The following WTIP variants were observed in gnomAD, a reference collection of about 807,000 sequenced individuals.
The protein encoded by WTIP is Wilms tumor protein 1-interacting protein.
A neutral mutation model predicts 41.7 loss-of-function variants in WTIP; 23 were observed. That is an observed-to-expected ratio of 0.55 (90% CI 0.40 to 0.78). WTIP has a LOEUF of 0.78. Ranked by LOEUF, WTIP falls within the 30% of genes least tolerant of loss-of-function variation. The pLI is 0.00. For synonymous variants in WTIP, 314 were observed against 269.9 expected (o/e 1.16, Z -1.60); for missense variants, 619 against 610.5 (o/e 1.01, Z -0.15).
intron 2 of WTIP, among the ~76,000 whole-genome samples, chr19:34,491,155 C>T (rs1056897362): frequency 2.6e-5 from 4 of 151,820 alleles, no homozygotes; most frequent in Non-Finnish European, 5.9e-5. Context: ...CATAATTTTA[C>T]ACCCAACATA....
intron 5 of WTIP, among the ~76,000 whole-genome samples, chr19:34,494,019 C>T (rs2075840081): frequency 6.6e-6 from 1 of 152,198 alleles, no homozygotes; most frequent in African/African-American, 2.4e-5. Context: ...CTGTTTCCTC[C>T]TACCGTGACT....
intron 2 of WTIP, among the ~76,000 whole-genome samples, chr19:34,492,329 G>T (rs2145601199): frequency 6.7e-6 from 1 of 148,586 alleles, no homozygotes; most frequent in South Asian, 2.2e-4. Context: ...TGCCCAGGCT[G>T]GTCTTGAACT....
At chr19:34,497,791 C>A (rs990525884) in intron 7 of WTIP, among the ~76,000 whole-genome samples, 2 of 152,158 alleles carry the variant, frequency 1.3e-5, no homozygotes, top group Admixed American at 6.5e-5. Context: ...GGACAAGGAG[C>A]AGGGATGGTC....
chr19:34,502,412 C>G lies in WTIP; in HGVS notation c.*2143C>G, dbSNP rs1419623541. On this transcript the variant is annotated 3_prime_UTR_variant, in exon 8 of 8. Coordinates refer to ENST00000590071, the MANE Select transcript of WTIP (RefSeq NM_001080436.2). ...CTGAGACTACAGGTGTGCCCCATGA[C>G]GCCCAGCTATTTTTTTTTTTTTTTT... 1 of 147,292 alleles carries G rather than the reference C, an allele frequency of 6.8e-6. No homozygotes were observed. The highest frequency in any genetic ancestry group is 2.0e-4 in the East Asian group (1 of 5,092). The allele number at this position is 147,292 out of a possible 1,614,324, so 9.1% of individuals were successfully genotyped here.
At position 34,493,711 on chromosome 19, in the gene WTIP, C is replaced by T. The variant is rs953694113; in HGVS notation, c.1031+89C>T. 4 of 1,568,736 alleles carry T rather than the reference C, an allele frequency of 2.5e-6. No individual in the cohort carries two copies. The African/African-American group carries it at 5.4e-5, about 21-fold the overall frequency. On this transcript the variant is annotated intron_variant, in intron 5 of 7. Coordinates refer to ENST00000590071, the MANE Select transcript of WTIP (RefSeq NM_001080436.2). This position sits in a 1 kb window ranked among gnomAD's most constrained non-coding sequence, Gnocchi z 4.1. ...ATTTTTTTCCTGCTGGACTGACTGC[C>T]CTTTGTTCTTGGCCTTTTGCCTTCC...
At chr19:34,494,121 A>T (rs2075840630) in intron 5 of WTIP, among the ~76,000 whole-genome samples, 1 of 152,210 alleles carries the variant, frequency 6.6e-6, no homozygotes, top group Non-Finnish European at 1.5e-5. Flanking sequence ...GGGTGAAGCC[A>T]GGTCTCACAG....
At position 34,500,440 on chromosome 19, in the gene WTIP, C is replaced by T. The variant is rs2075879147; in HGVS notation, c.*171C>T. On this transcript the variant is annotated 3_prime_UTR_variant, in exon 8 of 8. Transcript: ENST00000590071. Reference sequence around the variant, plus strand: ...AGCTTCTATTTATTCACCGTCTGTGCCTGCTCAAGTCACTTCCCTGCGGGC... The same window carrying T: ...AGCTTCTATTTATTCACCGTCTGTGTCTGCTCAAGTCACTTCCCTGCGGGC... 18 of 972,576 alleles carry T rather than the reference C, an allele frequency of 1.9e-5. No homozygotes were observed. The East Asian group carries it at 4.7e-4, about 25-fold the overall frequency. 60.2% of individuals were successfully genotyped at this position (972,576 alleles called of 1,614,324 possible). A position where few individuals can be genotyped will look rare whatever the true frequency, so the allele number is the denominator to read the frequency against.
rs1405532510 is a variant in WTIP, at chr19:34,511,338, G to A, written c.*11069G>A. 6.6e-6 allele frequency: 1 copy of A among 152,062 alleles called. No individual in the cohort carries two copies. Among genetic ancestry groups the A allele is most frequent in the East Asian group, 1.9e-4 (1 of 5,196 alleles). 9.4% of individuals were successfully genotyped at this position (152,062 alleles called of 1,614,324 possible). On this transcript the variant is annotated 3_prime_UTR_variant, in exon 8 of 8. Transcript: ENST00000590071. ...TTCACTACCATGAGAACAATATGGG[G>A]GAAACTGCCCCCATGATTCAAAATA... is the stretch of plus-strand genomic sequence containing the variant.
At chr19:34,499,987 C>G in intron 7 of WTIP, 142 bp from the exon 8 acceptor site, 1 of 1,243,616 alleles carries the variant, frequency 8.0e-7, no homozygotes, top group Non-Finnish European at 1.1e-6. Context: ...AGGTGTGAGC[C>G]CCTGCGCCCG....
Position 34,493,342 on chromosome 19 carries a change from G to A in WTIP, c.900+17G>A. 1 of 1,609,782 alleles carries A rather than the reference G, an allele frequency of 6.2e-7. No individual in the cohort carries two copies. Among genetic ancestry groups the A allele is most frequent in the East Asian group, 2.2e-5 (1 of 44,704 alleles). On this transcript the variant is annotated intron_variant, in intron 4 of 7. Coordinates refer to ENST00000590071, the MANE Select transcript of WTIP (RefSeq NM_001080436.2). This position sits in a 1 kb window ranked among gnomAD's most constrained non-coding sequence, Gnocchi z 4.1. ...ATGGAAATGGTGAGCCCCTGCCCCA[G>A]CCTCCTGGAGCCCCTCTGACGTGGG...
At chr19:34,488,883 A>T (rs2075810992) in intron 1 of WTIP, among the ~76,000 whole-genome samples, 1 of 133,286 alleles carries the variant, frequency 7.5e-6, no homozygotes, top group Non-Finnish European at 1.6e-5. Context: ...AGCCTGGGCA[A>T]CAGAGCGAGA....
At chr19:34,497,542 T>G (rs1027827394) in intron 7 of WTIP, among the ~76,000 whole-genome samples, 3 of 152,106 alleles carry the variant, frequency 2.0e-5, no homozygotes, top group Admixed American at 6.5e-5. Flanking sequence ...GGGGTCAGGA[T>G]AGCTCAGGGA....
chr19:34,494,371 TAGTG>T (rs2075841885), intron 5 of WTIP, among the ~76,000 whole-genome samples: 1 of 149,234 alleles, frequency 6.7e-6, no homozygotes, highest in Admixed American at 6.7e-5. Flanking sequence ...CTGGGCAACA[TAGTG>T]AGACCCCATT....
In WTIP at chr19:34,481,936, G is replaced by A. The variant is rs2075768451; in HGVS notation, c.-39G>A. 3.0e-6 allele frequency: 3 copies of A among 986,568 alleles called. No individual in the cohort carries two copies. The highest frequency in any genetic ancestry group is 3.6e-6 in the Non-Finnish European group (3 of 830,594). The allele number at this position is 986,568 out of a possible 1,614,324, so 61.1% of individuals were successfully genotyped here. On this transcript the variant is annotated 5_prime_UTR_variant, in exon 1 of 8. Coordinates refer to ENST00000590071, the MANE Select transcript of WTIP (RefSeq NM_001080436.2). The stretch of plus-strand genomic sequence containing the variant: ...CCCGGCCGGAGCGGCGGCGGGAAGC[G>A]GAGGCGGAGGTGACGCGCCAGGGCC...
chr19:34,490,370 T>C lies in WTIP; in HGVS notation c.668-6T>C. 1 of 1,613,878 alleles carries C rather than the reference T, an allele frequency of 6.2e-7. No individual in the cohort carries two copies. Among genetic ancestry groups the C allele is most frequent in the Non-Finnish European group, 8.5e-7 (1 of 1,179,792 alleles). Reference sequence around the variant, plus strand: ...CCCCTGCTCTCTCCTGCCTCTCCTCTCCTAGGCATTTGCATCAAGTGTGGG... The same window carrying C: ...CCCCTGCTCTCTCCTGCCTCTCCTCCCCTAGGCATTTGCATCAAGTGTGGG... On this transcript the variant is annotated splice_region_variant and splice_polypyrimidine_tract_variant and intron_variant, in intron 1 of 7. Transcript: ENST00000590071.
At chr19:34,491,928 G>A (rs2075827432) in intron 2 of WTIP, among the ~76,000 whole-genome samples, 1 of 152,152 alleles carries the variant, frequency 6.6e-6, no homozygotes, top group African/African-American at 2.4e-5. Context: ...ACAGGCGTGA[G>A]CCACCGCGCC....
At chr19:34,496,339 T>C (rs986343517) in intron 7 of WTIP, among the ~76,000 whole-genome samples, 17 of 152,082 alleles carry the variant, frequency 1.1e-4, no homozygotes, top group East Asian at 3.9e-4. Context: ...TTCAGCTAAT[T>C]TTGTTAATTT....
At position 34,502,207 on chromosome 19, in the gene WTIP, C is replaced by T. The variant is rs796561531; in HGVS notation, c.*1938C>T. 26 of 150,736 alleles carry T rather than the reference C, an allele frequency of 1.7e-4. 1 individual carries two copies. The highest frequency in any genetic ancestry group is 5.6e-4 in the African/African-American group (23 of 40,912). The allele number at this position is 150,736 out of a possible 1,614,324, so 9.3% of individuals were successfully genotyped here. On this transcript the variant is annotated 3_prime_UTR_variant, in exon 8 of 8. Transcript: ENST00000590071. ...GACCTCAGGGGCGATCCACCCACCT[C>T]AGCCTCCCAAAGTGCTGGGATTACA...
At position 34,495,732 on chromosome 19, in the gene WTIP, C is replaced by CA; in HGVS notation, c.1114dup (p.Met372AsnfsTer13). ...GCGAGACAACCATCCGTGTGGTGTC[C>CA]ATGGACAGAGACTACCACGTGGCAT... On this transcript the variant is annotated frameshift_variant, in exon 7 of 8. Coordinates refer to ENST00000590071, the MANE Select transcript of WTIP (RefSeq NM_001080436.2). LOFTEE classifies it high-confidence loss of function. 2.5e-6 allele frequency: 4 copies of CA among 1,613,938 alleles called. No individual in the cohort carries two copies. The highest frequency in any genetic ancestry group is 3.4e-6 in the Non-Finnish European group (4 of 1,179,972).
Sources: gnomAD v4.1 joint callset for allele counts (sites outside exome capture counted in the v4.1 genomes callset) on GRCh38, gnomAD v4.1.1 for gene constraint, Gnocchi (gnomAD v3.1) non-coding constraint, MANE v1.5 for transcripts, NCBI Gene and HGNC (gene_info 2026-07-23, HGNC 2026-07-21) for gene names.